Variants in WDPCP observed in about 807,000 individuals in gnomAD.
The protein encoded by WDPCP is WD repeat containing planar cell polarity effector, also known as WD repeat-containing and planar cell polarity effector protein fritz homolog.
A neutral mutation model predicts 93.1 loss-of-function variants in WDPCP; 71 were observed. The observed-to-expected ratio is 0.76, with a 90% CI of 0.63 to 0.93. The LOEUF (loss-of-function observed/expected upper bound fraction) is 0.93. WDPCP is among the 40% of genes least tolerant of loss of function. WDPCP has a pLI of 0.00. For missense variants in WDPCP, 844 were observed against 887.4 expected (o/e 0.95, Z 0.62); for synonymous variants, 315 against 315.0 (o/e 1.00, Z 0.00).
chr2:63,658,067 CA>C (rs1397815348), intron 2 of WDPCP, among the ~76,000 whole-genome samples: 1 of 151,972 alleles, frequency 6.6e-6, no homozygotes, highest in Non-Finnish European at 1.5e-5. Flanking sequence ...TTTTTAGCTT[CA>C]AAAAACTGAA....
chr2:63,232,623 T>G (rs1490481891), intron 14 of WDPCP: 1 of 152,984 alleles, frequency 6.5e-6, no homozygotes, highest in African/African-American at 2.4e-5. Flanking sequence ...AATTTCTGCA[T>G]AAGTGCATGA....
intron 8 of WDPCP, 65 bp downstream of exon 8, chr2:63,437,356 A>G (rs1697201735): frequency 7.8e-7 from 1 of 1,274,174 alleles, no homozygotes; most frequent in African/African-American, 1.5e-5. Flanking sequence ...CAGAATACCA[A>G]CTTATGTGAT....
chr2:63,515,533 G>A, intron 1 of WDPCP, among the ~76,000 whole-genome samples: 1 of 152,154 alleles, frequency 6.6e-6, no homozygotes, highest in East Asian at 1.9e-4. Flanking sequence ...TTAAATAACT[G>A]ATTGTGCTAG....
intron 10 of WDPCP, among the ~76,000 whole-genome samples, chr2:63,385,460 T>C (rs1337333785): frequency 2.0e-5 from 3 of 152,100 alleles, no homozygotes; most frequent in African/African-American, 7.2e-5. Flanking sequence ...ATTTTAAAAA[T>C]TTATTTCTAC....
At chr2:63,178,205 C>G (rs1055399852) in intron 14 of WDPCP, among the ~76,000 whole-genome samples, 4 of 152,108 alleles carry the variant, frequency 2.6e-5, no homozygotes, top group South Asian at 2.1e-4. Flanking sequence ...GGCTTTGTTA[C>G]TAGGGTAATG....
At chr2:63,768,957 A>C (rs1205519383) in intron 2 of WDPCP, among the ~76,000 whole-genome samples, 1 of 152,034 alleles carries the variant, frequency 6.6e-6, no homozygotes, top group African/African-American at 2.4e-5. Flanking sequence ...TTCATTCACT[A>C]AACATTCACC....
intron 1 of WDPCP, among the ~76,000 whole-genome samples, chr2:63,515,019 T>C (rs951535713): frequency 9.2e-5 from 14 of 152,162 alleles, no homozygotes; most frequent in African/African-American, 3.1e-4. Flanking sequence ...TCACAGTTGG[T>C]TCCAGCCAAT....
intron 2 of WDPCP, among the ~76,000 whole-genome samples, chr2:63,777,847 G>A (rs58472560): frequency 0.051 from 7,710 of 152,156 alleles, 359 homozygotes; most frequent in African/African-American, 0.12. Context: ...TATCTTGACT[G>A]GGGTGATAAT....
At chr2:63,671,910 G>A (rs1217317581) in intron 2 of WDPCP, among the ~76,000 whole-genome samples, 1 of 152,102 alleles carries the variant, frequency 6.6e-6, no homozygotes, top group African/African-American at 2.4e-5. Context: ...GACCTGGCTA[G>A]TCACTCCCAT....
chr2:63,836,691 G>A, the WDPCP span, among the ~76,000 whole-genome samples: 4 of 152,084 alleles, frequency 2.6e-5, no homozygotes, highest in African/African-American at 9.7e-5. Context: ...GACACAATTT[G>A]GAGATACAGT....
rs556125060 is a variant in WDPCP, at chr2:63,563,529, T to C, written c.75+24668A>G. Reference sequence around the variant, plus strand: ...CAAATCCATAGAGACACTGAGTAGATTACTTGCTGGGACTGCAGGGAGGGA... The same window carrying C: ...CAAATCCATAGAGACACTGAGTAGACTACTTGCTGGGACTGCAGGGAGGGA... On this transcript the variant is annotated intron_variant, in intron 1 of 17. Coordinates refer to ENST00000272321, the MANE Select transcript of WDPCP (RefSeq NM_015910.7). 3.9e-5 allele frequency among the ~76,000 whole-genome samples: 6 copies of C among 152,070 alleles called. No individual in the cohort carries two copies. In the South Asian group the frequency reaches 8.3e-4, roughly 21 times the overall value.
intron 10 of WDPCP, among the ~76,000 whole-genome samples, chr2:63,395,620 G>T (rs964860063): frequency 6.6e-6 from 1 of 152,142 alleles, no homozygotes; most frequent in Non-Finnish European, 1.5e-5. Context: ...GGAGAGGTGG[G>T]AATTAACTGA....
intron 3 of WDPCP, among the ~76,000 whole-genome samples, chr2:63,625,068 T>C (rs904865855): frequency 2.0e-5 from 3 of 152,240 alleles, no homozygotes; most frequent in Non-Finnish European, 2.9e-5. Flanking sequence ...ACAGAACCAA[T>C]GACAAAAACC....
At chr2:63,537,650 C>T (rs770953420) in intron 1 of WDPCP, among the ~76,000 whole-genome samples, 1 of 152,200 alleles carries the variant, frequency 6.6e-6, no homozygotes, top group African/African-American at 2.4e-5. Flanking sequence ...CCTCTTCCAA[C>T]CCTTCTCCTG....
intron 6 of WDPCP, among the ~76,000 whole-genome samples, chr2:63,465,081 T>C (rs550598007): frequency 5.9e-5 from 9 of 152,066 alleles, no homozygotes; most frequent in African/African-American, 2.2e-4. Flanking sequence ...TTAAAGTTTT[T>C]TACTGAAAAA....
chr2:63,186,245 T>G (rs922636574), intron 14 of WDPCP, among the ~76,000 whole-genome samples: 3 of 152,238 alleles, frequency 2.0e-5, no homozygotes, highest in African/African-American at 7.2e-5. Context: ...ACCATGGCTC[T>G]CTAGCAAATC....
At chr2:63,385,728 C>A (rs1189292707) in intron 10 of WDPCP, among the ~76,000 whole-genome samples, 1 of 151,856 alleles carries the variant, frequency 6.6e-6, no homozygotes, top group Non-Finnish European at 1.5e-5. Flanking sequence ...CAGTCAAAAT[C>A]CCATCAGGTG....
At chr2:63,571,251 T>C (rs1010616438) in intron 1 of WDPCP, 21 of 390,404 alleles carry the variant, frequency 5.4e-5, no homozygotes, top group African/African-American at 1.1e-4. Flanking sequence ...ACTTTCCTCA[T>C]GTGTAAAATA....
intron 2 of WDPCP, among the ~76,000 whole-genome samples, chr2:63,664,236 C>T (rs912207211): frequency 7.2e-5 from 11 of 152,130 alleles, no homozygotes; most frequent in African/African-American, 2.7e-4. Context: ...AGAAACCAAT[C>T]CTGGTTAGTT....
Sources: gnomAD v4.1 joint callset for allele counts (sites outside exome capture counted in the v4.1 genomes callset) on GRCh38, gnomAD v4.1.1 for gene constraint, MANE v1.5 for transcripts, NCBI Gene and HGNC (gene_info 2026-07-23, HGNC 2026-07-21) for gene names.